The following DLG4 variants were observed in gnomAD, a reference collection of about 807,000 sequenced individuals.
DLG4 encodes the protein discs large MAGUK scaffold protein 4, also known as disks large homolog 4.
DLG4 carries 7 observed loss-of-function variants against 93.8 expected under a neutral mutation model. The observed-to-expected ratio is 0.07, with a 90% CI of 0.04 to 0.14. The LOEUF is 0.14. Among genes scored for constraint, DLG4 ranks in the 10% least tolerant of loss-of-function variants. The pLI is 1.00. For synonymous variants in DLG4, 341 were observed against 387.6 expected (o/e 0.88, Z 1.41); for missense variants, 545 against 992.9 (o/e 0.55, Z 6.06).
intron 8 of DLG4, among the ~76,000 whole-genome samples, chr17:7,201,845 C>T (rs966577096): frequency 3.3e-5 from 5 of 152,172 alleles, no homozygotes; most frequent in Non-Finnish European, 7.3e-5. Flanking sequence ...CACACCACTG[C>T]ACTCCAGCCT....
chr17:7,190,822 T>C lies in DLG4; in HGVS notation c.2069-8A>G, dbSNP rs774965291. On this transcript the variant is annotated splice_polypyrimidine_tract_variant and splice_region_variant and intron_variant, in intron 19 of 19. Coordinates refer to ENST00000399506, the MANE Select transcript of DLG4 (RefSeq NM_001321075.3). ...TGTCACCCTCCACGATGGCTGGGAG[T>C]GGGGTGGAGCAGGGAGTGAGGCCAA... The C allele has an allele frequency of 1.2e-6, 2 of 1,611,818 alleles. No individual in the cohort carries two copies. Among genetic ancestry groups the C allele is most frequent in the Non-Finnish European group, 1.7e-6 (2 of 1,178,788 alleles).
In DLG4 at chr17:7,193,950, C is replaced by G. The variant is rs759109334; in HGVS notation, c.1515+14G>C. ...CTCACACTTCCACCCAGGCTCACACCCTCCTCCACCTACCTTGGCCTTTAA... is the reference window on the plus strand; with the variant it reads ...CTCACACTTCCACCCAGGCTCACACGCTCCTCCACCTACCTTGGCCTTTAA... On this transcript the variant is annotated intron_variant, in intron 13 of 19. Coordinates refer to ENST00000399506, the MANE Select transcript of DLG4 (RefSeq NM_001321075.3). The surrounding 1 kb of genome is among the most constrained non-coding windows in gnomAD (Gnocchi z 6.7). 53 of 1,613,640 alleles carry G rather than the reference C, an allele frequency of 3.3e-5. No individual in the cohort carries two copies. In the South Asian group the frequency reaches 4.2e-4, roughly 13 times the overall value.
At chr17:7,205,899 C>G (rs2070443504) in intron 2 of DLG4, among the ~76,000 whole-genome samples, 1 of 151,580 alleles carries the variant, frequency 6.6e-6, no homozygotes. Flanking sequence ...CCAGCACACC[C>G]ACCTTCATCC....
Position 7,191,841 on chromosome 17 carries a change from A to C in DLG4, c.1976+52T>G. On this transcript the variant is annotated intron_variant, in intron 18 of 19. Transcript: ENST00000399506. This position sits in a 1 kb window ranked among gnomAD's most constrained non-coding sequence, Gnocchi z 6.6. ...TGAACGCAGACGCCTTGTGAGGCCC[A>C]GGGCCACAGGTGTTGGGGGAGCAAA... is the stretch of plus-strand genomic sequence containing the variant. The C allele has an allele frequency of 7.7e-7, 1 of 1,293,654 alleles. No homozygotes were observed. Among genetic ancestry groups the C allele is most frequent in the East Asian group, 2.5e-5 (1 of 39,426 alleles). The allele number at this position is 1,293,654 out of a possible 1,614,324, so 80.1% of individuals were successfully genotyped here. A position where few individuals can be genotyped will look rare whatever the true frequency, so the allele number is the denominator to read the frequency against.
Position 7,203,917 on chromosome 17 carries a change from C to T in DLG4, c.210+91G>A. On this transcript the variant is annotated intron_variant, in intron 4 of 19. Transcript: ENST00000399506. The surrounding 1 kb of genome is among the most constrained non-coding windows in gnomAD (Gnocchi z 7.2). Reference sequence around the variant, plus strand: ...TTGGAGCAGCCAGAGGAGGAAGGCACAGGGTGAGGGGCTAGCCACCCAGAC... The same window carrying T: ...TTGGAGCAGCCAGAGGAGGAAGGCATAGGGTGAGGGGCTAGCCACCCAGAC... 3 of 1,588,144 alleles carry T rather than the reference C, an allele frequency of 1.9e-6. No individual in the cohort carries two copies.
At chr17:7,213,247 G>A (rs1203446974) in intron 1 of DLG4, among the ~76,000 whole-genome samples, 2 of 151,672 alleles carry the variant, frequency 1.3e-5, no homozygotes, top group East Asian at 1.9e-4. Flanking sequence ...ACAGGCGCCC[G>A]CCACTACGCC....
intron 2 of DLG4, among the ~76,000 whole-genome samples, chr17:7,205,794 CCCATCCCGCAGCCCGTCCT>C: frequency 7.4e-6 from 1 of 135,278 alleles, no homozygotes; most frequent in South Asian, 2.6e-4. Flanking sequence ...CAGCCCGTCC[CCCATCCCGCAGCCCGTCCT>C]CCATCCCATA....
Position 7,203,466 on chromosome 17 carries a change from C to T in DLG4, c.463G>A (p.Ala155Thr). The change falls in exon 6 of 20, where the codon GCT becomes ACT. Residue 155 changes from alanine (A) to threonine (T), a missense_variant. Physicochemically the swap from Ala to Thr is moderately conservative, Grantham distance 58. Transcript: ENST00000399506. The surrounding 1 kb of genome is among the most constrained non-coding windows in gnomAD (Gnocchi z 7.2). ...AGCTTGATCTCCATGACCTTCTCAGCCGGGGGCTTCCGGCGCATGACATAG... is the reference window on the plus strand; with the variant it reads ...AGCTTGATCTCCATGACCTTCTCAGTCGGGGGCTTCCGGCGCATGACATAG... ...RLYVMRRKPPAEKVMEIKLIK... is the reference protein window; with the variant it reads ...RLYVMRRKPPTEKVMEIKLIK... The T allele has an allele frequency of 1.2e-6, 2 of 1,612,570 alleles. No homozygotes were observed. The highest frequency in any genetic ancestry group is 1.1e-5 in the South Asian group (1 of 91,040).
chr17:7,204,944 A>C, intron 2 of DLG4: 1 of 985,052 alleles, frequency 1.0e-6, no homozygotes. Flanking sequence ...GGGGAGACCC[A>C]CCTCCAGGAG....
In DLG4 at chr17:7,203,887, A is replaced by G; in HGVS notation, c.211-71T>C. ...TCTGGCAAGGCAAGTGGGGTGGGAA[A>G]TGGCTTGGAGCAGCCAGAGGAGGAA... On this transcript the variant is annotated intron_variant, in intron 4 of 19. Coordinates refer to ENST00000399506, the MANE Select transcript of DLG4 (RefSeq NM_001321075.3). The surrounding 1 kb of genome is among the most constrained non-coding windows in gnomAD (Gnocchi z 7.2). 5 of 1,598,134 alleles carry G rather than the reference A, an allele frequency of 3.1e-6. No homozygotes were observed. Among genetic ancestry groups the G allele is most frequent in the Non-Finnish European group, 4.3e-6 (5 of 1,172,152 alleles).
chr17:7,218,437 T>C, upstream of DLG4: 1 of 1,393,152 alleles, frequency 7.2e-7, no homozygotes, highest in Non-Finnish European at 1.0e-6. Context: ...GGACCCTGCA[T>C]GGTGCTCCAG....
At chr17:7,213,799 A>T (rs2070799144) in intron 1 of DLG4, 1 of 471,000 alleles carries the variant, frequency 2.1e-6, no homozygotes, top group Non-Finnish European at 4.4e-6. Context: ...CTAGAATCTC[A>T]CCCAAGCGAG....
At chr17:7,216,804 T>C (rs546276207) in intron 1 of DLG4, among the ~76,000 whole-genome samples, 95 of 152,078 alleles carry the variant, frequency 6.2e-4, no homozygotes, top group African/African-American at 2.0e-3. Context: ...GACTCCCTTA[T>C]GAGCCAGGCT....
intron 1 of DLG4, among the ~76,000 whole-genome samples, chr17:7,215,566 G>C (rs2070874435): frequency 6.6e-6 from 1 of 152,164 alleles, no homozygotes; most frequent in African/African-American, 2.4e-5. Flanking sequence ...AGAAACTGAG[G>C]CATAAAAATC....
At chr17:7,198,654 C>T (rs755959718) in intron 8 of DLG4, among the ~76,000 whole-genome samples, 24 of 151,314 alleles carry the variant, frequency 1.6e-4, no homozygotes, top group Non-Finnish European at 3.2e-4. Context: ...TCAAAACCAG[C>T]CTGGCCAAGA....
Position 7,203,029 on chromosome 17 carries a change from C to G in DLG4, c.661G>C (p.Glu221Gln). Residue 221 changes from glutamate (E) to glutamine (Q), a missense_variant, in exon 8 of 20, where the codon GAG (glutamate) becomes CAG (glutamine). Glu to Gln is a conservative substitution (Grantham distance 29, BLOSUM62 2). This residue lies in a region of DLG4 where 428 missense variants were observed against 741.4 expected (regional missense o/e 0.58). Coordinates refer to ENST00000399506, the MANE Select transcript of DLG4 (RefSeq NM_001321075.3). The surrounding 1 kb of genome is among the most constrained non-coding windows in gnomAD (Gnocchi z 7.2). ...KILAVNSVGL[E>Q]DVMHEDAVAA... is the part of the protein sequence containing the mutation. ...ACAGCATCTTCATGCATGACGTCCTCTAGCCCCACACTGTTGACCTGGAGT... is the reference window on the plus strand; with the variant it reads ...ACAGCATCTTCATGCATGACGTCCTGTAGCCCCACACTGTTGACCTGGAGT... The G allele has an allele frequency of 6.2e-7, 1 of 1,609,724 alleles. No individual in the cohort carries two copies. The highest frequency in any genetic ancestry group is 8.5e-7 in the Non-Finnish European group (1 of 1,176,146).
chr17:7,211,564 AGAAG>A (rs527905945), intron 1 of DLG4: 72 of 428,954 alleles, frequency 1.7e-4, no homozygotes, highest in African/African-American at 1.5e-3. Context: ...CGCACCAAGC[AGAAG>A]GAAGAGCGAC....
Position 7,196,098 on chromosome 17 carries a change from A to G in DLG4, c.1301+122T>C. 1.5e-6 allele frequency: 1 copy of G among 683,558 alleles called. No individual in the cohort carries two copies. Among genetic ancestry groups the G allele is most frequent in the Non-Finnish European group, 2.5e-6 (1 of 407,826 alleles). 42.3% of individuals were successfully genotyped at this position (683,558 alleles called of 1,614,324 possible). A position where few individuals can be genotyped will look rare whatever the true frequency, so the allele number is the denominator to read the frequency against. The stretch of plus-strand genomic sequence containing the variant: ...AGCCCATGAACCCTGGCTGCGCCTC[A>G]GGCCTGGGGTGGGGAGCTAGAGCAG... On this transcript the variant is annotated intron_variant, in intron 11 of 19. Transcript: ENST00000399506. This position sits in a 1 kb window ranked among gnomAD's most constrained non-coding sequence, Gnocchi z 8.3.
rs750438640 is a variant in DLG4, at chr17:7,191,917, C to T, written c.1952G>A (p.Arg651His). 14 of 1,486,790 alleles carry T rather than the reference C, an allele frequency of 9.4e-6. No homozygotes were observed. In the East Asian group the frequency reaches 1.3e-4, roughly 13 times the overall value. 92.1% of individuals were successfully genotyped at this position (1,486,790 alleles called of 1,614,324 possible). A position where few individuals can be genotyped will look rare whatever the true frequency, so the allele number is the denominator to read the frequency against. Residue 651 changes from arginine (R) to histidine (H), a missense_variant, in exon 18 of 20, where the codon CGC (arginine) becomes CAC (histidine). Coordinates refer to ENST00000399506, the MANE Select transcript of DLG4 (RefSeq NM_001321075.3). This position sits in a 1 kb window ranked among gnomAD's most constrained non-coding sequence, Gnocchi z 6.6. ...CAGCACATTCTCCAGGGAGCGGGGG[C>T]GGATGAAGATGGCGATGGGGTGCAG... is the stretch of plus-strand genomic sequence containing the variant. The part of the protein sequence containing the change: ...AHLHPIAIFI[R>H]PRSLENVLEI...
Sources: gnomAD v4.1 joint callset for allele counts (sites outside exome capture counted in the v4.1 genomes callset) on GRCh38, gnomAD v4.1.1 for gene constraint, gnomAD v4.1.1 regional missense constraint, Gnocchi (gnomAD v3.1) non-coding constraint, MANE v1.5 for transcripts, NCBI Gene and HGNC (gene_info 2026-07-23, HGNC 2026-07-21) for gene names.